Variants in CSNK2A2IP observed in about 807,000 individuals in gnomAD.
CSNK2A2IP encodes the protein casein kinase II subunit alpha'-interacting protein.
chr3:88,451,333 C>T, the CSNK2A2IP span, among the ~76,000 whole-genome samples: 49 of 151,658 alleles, frequency 3.2e-4, no homozygotes, highest in Admixed American at 2.1e-3. Flanking sequence ...TGATGATTAA[C>T]GATGTTGATT....
At chr3:88,448,756 A>G in the CSNK2A2IP span, among the ~76,000 whole-genome samples, 5 of 152,202 alleles carry the variant, frequency 3.3e-5, no homozygotes, top group Non-Finnish European at 7.4e-5. Context: ...ATTTAGAGTC[A>G]TTGTGGCAAG....
chr3:88,420,106 A>G, the CSNK2A2IP span, among the ~76,000 whole-genome samples: 4 of 152,186 alleles, frequency 2.6e-5, no homozygotes, highest in African/African-American at 4.8e-5. Context: ...GTATTTTTCA[A>G]TATCTCTCCA....
At chr3:88,464,272 C>G in the CSNK2A2IP span, among the ~76,000 whole-genome samples, 100 of 151,312 alleles carry the variant, frequency 6.6e-4, no homozygotes, top group African/African-American at 2.4e-3. Context: ...ATGTAACAAA[C>G]CTGCATGTTG....
the CSNK2A2IP span, among the ~76,000 whole-genome samples, chr3:88,450,621 G>A: frequency 6.6e-6 from 1 of 151,992 alleles, no homozygotes; most frequent in Non-Finnish European, 1.5e-5. Flanking sequence ...AGCAAGATCG[G>A]GTTCTTTTTA....
At chr3:88,429,728 G>A in the CSNK2A2IP span, among the ~76,000 whole-genome samples, 4 of 151,954 alleles carry the variant, frequency 2.6e-5, no homozygotes, top group African/African-American at 9.7e-5. Flanking sequence ...TCTTTCCTGA[G>A]TAGGAGCATT....
the CSNK2A2IP span, among the ~76,000 whole-genome samples, chr3:88,439,684 G>A: frequency 6.7e-6 from 1 of 149,232 alleles, no homozygotes; most frequent in African/African-American, 2.5e-5. Context: ...GGAGGTTGCA[G>A]TGAGCCGAGA....
At chr3:88,461,485 G>A in the CSNK2A2IP span, among the ~76,000 whole-genome samples, 207 of 152,192 alleles carry the variant, frequency 1.4e-3, 4 homozygotes, top group East Asian at 0.034. Flanking sequence ...CCTGGGAGGC[G>A]GAGCTTGCAG....
At chr3:88,435,759 T>C in the CSNK2A2IP span, among the ~76,000 whole-genome samples, 4 of 150,456 alleles carry the variant, frequency 2.7e-5, no homozygotes, top group South Asian at 6.3e-4. Context: ...AGTAACTTAG[T>C]ATGAGTTTTC....
At chr3:88,375,352 G>A in the CSNK2A2IP span, among the ~76,000 whole-genome samples, 7 of 151,882 alleles carry the variant, frequency 4.6e-5, no homozygotes, top group East Asian at 1.4e-3. Context: ...CTGTTGTTGG[G>A]TGAACCTTAT....
the CSNK2A2IP span, among the ~76,000 whole-genome samples, chr3:88,361,282 C>T: frequency 6.6e-6 from 1 of 152,150 alleles, no homozygotes; most frequent in Non-Finnish European, 1.5e-5. Context: ...TTTAGCATTT[C>T]TTGTAAGATA....
At chr3:88,450,294 A>C in the CSNK2A2IP span, among the ~76,000 whole-genome samples, 1 of 152,180 alleles carries the variant, frequency 6.6e-6, no homozygotes, top group African/African-American at 2.4e-5. Flanking sequence ...AATCTCACAT[A>C]GTTACTTTTT....
the CSNK2A2IP span, among the ~76,000 whole-genome samples, chr3:88,375,250 C>A: frequency 4.0e-5 from 6 of 151,742 alleles, no homozygotes; most frequent in Admixed American, 3.3e-4. Context: ...TCAGTTTTAC[C>A]ATCCTTTTTT....
At chr3:88,390,475 C>T in the CSNK2A2IP span, among the ~76,000 whole-genome samples, 2 of 152,102 alleles carry the variant, frequency 1.3e-5, no homozygotes, top group African/African-American at 4.8e-5. Flanking sequence ...TTTGTCATAC[C>T]TCATTAAGCC....
the CSNK2A2IP span, among the ~76,000 whole-genome samples, chr3:88,413,426 T>A: frequency 1.2e-3 from 184 of 152,162 alleles, no homozygotes; most frequent in Non-Finnish European, 1.7e-3. Context: ...TGGGAGAATT[T>A]GTATATGAAC....
the CSNK2A2IP span, among the ~76,000 whole-genome samples, chr3:88,359,301 TTTTG>T: frequency 9.9e-3 from 1,511 of 151,938 alleles, 21 homozygotes; most frequent in African/African-American, 0.035. Flanking sequence ...AGGTTGTTGA[TTTTG>T]TTTATCTTTT....
the CSNK2A2IP span, among the ~76,000 whole-genome samples, chr3:88,358,570 C>A: frequency 1.3e-5 from 2 of 151,874 alleles, no homozygotes; most frequent in African/African-American, 4.8e-5. Context: ...ATATTGAATG[C>A]TTTTTCTAAC....
chr3:88,354,241 GCAACA>G, the CSNK2A2IP span, among the ~76,000 whole-genome samples: 1 of 152,066 alleles, frequency 6.6e-6, no homozygotes, highest in African/African-American at 2.4e-5. Flanking sequence ...TTCTTTTATG[GCAACA>G]CAAAATAGAC....
chr3:88,360,936 TAAAC>T, the CSNK2A2IP span, among the ~76,000 whole-genome samples: 28 of 152,256 alleles, frequency 1.8e-4, no homozygotes, highest in Middle Eastern at 3.4e-3. Context: ...CTTATCACAA[TAAAC>T]AAACAAACAA....
chr3:88,463,311 C>T, the CSNK2A2IP span, among the ~76,000 whole-genome samples: 1 of 149,886 alleles, frequency 6.7e-6, no homozygotes, highest in Non-Finnish European at 1.5e-5. Context: ...CAACCTTGGA[C>T]CCTGAAAAAT....
Sources: gnomAD v4.1 joint callset for allele counts (sites outside exome capture counted in the v4.1 genomes callset) on GRCh38, gnomAD v4.1.1 for gene constraint, MANE v1.5 for transcripts, NCBI Gene and HGNC (gene_info 2026-07-23, HGNC 2026-07-21) for gene names.